RYR2: variants seen among roughly 807,000 people sequenced by gnomAD.
The protein encoded by RYR2 is cardiac muscle ryanodine receptor-calcium release channel.
RYR2 carries 227 observed loss-of-function variants against 601.1 expected under a neutral mutation model. The ratio of observed to expected loss-of-function variants is 0.38; its 90% CI spans 0.34 to 0.42. The LOEUF is 0.42. RYR2 is among the 10% of genes least tolerant of loss of function. The pLI, the probability that RYR2 is intolerant of heterozygous loss-of-function variation, is 1.00. For synonymous variants in RYR2, 2,223 were observed against 2,175.1 expected (o/e 1.02, Z -0.61); for missense variants, 4,646 against 6,156.5 (o/e 0.75, Z 8.21).
In RYR2 at chr1:237,627,747, G is replaced by A. The variant is rs1349270762; in HGVS notation, c.6167-60G>A. 29 of 1,482,696 alleles carry A rather than the reference G, an allele frequency of 2.0e-5. No homozygotes were observed. In the South Asian group the frequency reaches 3.3e-4, roughly 17 times the overall value. 91.8% of individuals were successfully genotyped at this position (1,482,696 alleles called of 1,614,324 possible). A position where few individuals can be genotyped will look rare whatever the true frequency, so the allele number is the denominator to read the frequency against. On this transcript the variant is annotated intron_variant, in intron 40 of 104. Coordinates refer to ENST00000366574, the MANE Select transcript of RYR2 (RefSeq NM_001035.3). Reference sequence around the variant, plus strand: ...GGGGTACAGGATATGGACTTGAAATGTCCAACTGATTTGTCTTCTCTTATT... The same window carrying A: ...GGGGTACAGGATATGGACTTGAAATATCCAACTGATTTGTCTTCTCTTATT...
chr1:237,654,541 C>G, intron 52 of RYR2, 127 bp downstream of exon 52: 3 of 886,702 alleles, frequency 3.4e-6, no homozygotes, highest in Non-Finnish European at 4.9e-6. Flanking sequence ...TTGATTTTTT[C>G]TCTTTTCTCA....
At chr1:237,159,820 C>G (rs920042841) in intron 1 of RYR2, among the ~76,000 whole-genome samples, 3 of 152,162 alleles carry the variant, frequency 2.0e-5, no homozygotes, top group Admixed American at 1.3e-4. Context: ...CAAATCTGAA[C>G]CATCTTTTAA....
At chr1:237,189,064 A>C (rs1679680650) in intron 1 of RYR2, among the ~76,000 whole-genome samples, 2 of 152,092 alleles carry the variant, frequency 1.3e-5, no homozygotes, top group Admixed American at 1.3e-4. Context: ...TCCTCCTCCC[A>C]GCCCTTGACA....
chr1:237,398,958 C>T (rs1396964567), intron 10 of RYR2, among the ~76,000 whole-genome samples: 7 of 152,186 alleles, frequency 4.6e-5, no homozygotes, highest in African/African-American at 7.2e-5. Context: ...TTTTGGGAGG[C>T]CAAAGTCGGT....
chr1:237,337,098 A>G (rs1032453061), intron 3 of RYR2, among the ~76,000 whole-genome samples: 2 of 151,770 alleles, frequency 1.3e-5, no homozygotes, highest in African/African-American at 4.8e-5. Context: ...TAAAACCACA[A>G]AAAATTAGCC....
chr1:237,749,433 C>T (rs967681078), intron 80 of RYR2, among the ~76,000 whole-genome samples: 5 of 150,158 alleles, frequency 3.3e-5, no homozygotes, highest in South Asian at 4.2e-4. Flanking sequence ...TAAATATTTG[C>T]TATTATTATT....
At chr1:237,227,659 G>A (rs1280358942) in intron 1 of RYR2, among the ~76,000 whole-genome samples, 1 of 152,130 alleles carries the variant, frequency 6.6e-6, no homozygotes, top group Non-Finnish European at 1.5e-5. Context: ...GCATTCACTG[G>A]CATGTCCACC....
intron 3 of RYR2, among the ~76,000 whole-genome samples, chr1:237,331,671 AT>A (rs34015889): frequency 0.41 from 55,605 of 134,726 alleles, 10,729 homozygotes; most frequent in Admixed American, 0.46. Context: ...ACACCTGGCT[AT>A]TTTTTTTTTT....
rs780413961 is a variant in RYR2 at position 237,700,414 on chromosome 1, T to C, written c.9314T>C (p.Leu3105Pro). The C allele has an allele frequency of 6.2e-7, 1 of 1,609,652 alleles. No homozygotes were observed. Among genetic ancestry groups the C allele is most frequent in the South Asian group, 1.1e-5 (1 of 90,252 alleles). Residue 3105 changes from leucine (L) to proline (P), a missense_variant, in exon 65 of 105, where the codon CTG (leucine) becomes CCG (proline). By Grantham distance (98) the Leu-to-Pro change is moderately conservative. This residue lies in a region of RYR2 where 1,497 missense variants were observed against 1,842.6 expected (regional missense o/e 0.81). Transcript: ENST00000366574. Reference protein sequence around the residue: ...NYTTVALLPMLSSLFEHIGQH... With the variant: ...NYTTVALLPMPSSLFEHIGQH... ...ACCACAGTGGCCCTGCTGCCAATGC[T>C]GTCTTCATTATTTGAACATATTGGC...
intron 29 of RYR2, among the ~76,000 whole-genome samples, chr1:237,584,777 C>T (rs774345086): frequency 4.7e-5 from 7 of 150,204 alleles, no homozygotes; most frequent in African/African-American, 9.8e-5. Context: ...CCTCCCATCT[C>T]GGCTTCCCAA....
At chr1:237,429,837 G>A (rs1706605409) in intron 12 of RYR2, among the ~76,000 whole-genome samples, 1 of 151,944 alleles carries the variant, frequency 6.6e-6, no homozygotes, top group African/African-American at 2.4e-5. Flanking sequence ...AAAACTTGTA[G>A]GTAAAAATAT....
chr1:237,741,854 T>C (rs1240229127), intron 79 of RYR2, among the ~76,000 whole-genome samples: 2 of 152,078 alleles, frequency 1.3e-5, no homozygotes, highest in Non-Finnish European at 2.9e-5. Flanking sequence ...TGCCCGCTAC[T>C]GCCTCCCAAA....
intron 16 of RYR2, among the ~76,000 whole-genome samples, chr1:237,461,936 A>G (rs1842080): frequency 0.53 from 79,943 of 151,734 alleles, 22,324 homozygotes; most frequent in East Asian, 0.74. Context: ...ACAACTTTAT[A>G]TTGAATTTTG....
intron 1 of RYR2, among the ~76,000 whole-genome samples, chr1:237,129,358 A>G (rs1170730021): frequency 1.3e-5 from 2 of 152,232 alleles, no homozygotes; most frequent in Admixed American, 6.5e-5. Context: ...GAAAAAATCT[A>G]CTTGAAGACA....
intron 1 of RYR2, among the ~76,000 whole-genome samples, chr1:237,134,508 T>C (rs1485800335): frequency 6.6e-6 from 1 of 152,084 alleles, no homozygotes; most frequent in Non-Finnish European, 1.5e-5. Context: ...ATGAAACTTA[T>C]TCACTATCAC....
intron 25 of RYR2, among the ~76,000 whole-genome samples, chr1:237,540,493 G>C (rs1669140195): frequency 1.3e-5 from 2 of 152,038 alleles, no homozygotes; most frequent in East Asian, 3.9e-4. Context: ...GATCACCTGA[G>C]GTCAGGGGTT....
intron 1 of RYR2, among the ~76,000 whole-genome samples, chr1:237,229,251 A>G (rs988866349): frequency 2.0e-5 from 3 of 152,220 alleles, no homozygotes; most frequent in African/African-American, 4.8e-5. Flanking sequence ...AAAAGAAAGT[A>G]TTCTACAGGA....
chr1:237,656,569 G>A (rs3766882), intron 53 of RYR2, among the ~76,000 whole-genome samples: 11,131 of 152,190 alleles, frequency 0.073, 1,112 homozygotes, highest in African/African-American at 0.22. Context: ...TGTTGTTGTC[G>A]TTACTGTTTT....
rs1384969433 is a variant in RYR2 at position 237,590,017 on chromosome 1, A to G, written c.3807+16A>G. ...ACATATAGAGGTTTGCTTTTTCTTT[A>G]AAAATCAGGCCATTTCTAAAAAGCA... On this transcript the variant is annotated intron_variant, in intron 30 of 104. Coordinates refer to ENST00000366574, the MANE Select transcript of RYR2 (RefSeq NM_001035.3). 1 of 1,601,640 alleles carries G rather than the reference A, an allele frequency of 6.2e-7. No homozygotes were observed. The highest frequency in any genetic ancestry group is 8.5e-7 in the Non-Finnish European group (1 of 1,172,728).
Sources: gnomAD v4.1 joint callset for allele counts (sites outside exome capture counted in the v4.1 genomes callset) on GRCh38, gnomAD v4.1.1 for gene constraint, gnomAD v4.1.1 regional missense constraint, MANE v1.5 for transcripts, NCBI Gene and HGNC (gene_info 2026-07-23, HGNC 2026-07-21) for gene names.